The following COMMD10 variants were observed in gnomAD, a reference collection of about 807,000 sequenced individuals.
COMMD10 encodes the protein COMM domain containing 10.
A neutral mutation model predicts 28.9 loss-of-function variants in COMMD10; 33 were observed. That is an observed-to-expected ratio of 1.14 (90% CI 0.87 to 1.53). COMMD10 has a LOEUF of 1.53. COMMD10 is among the 40% of genes most tolerant of loss of function. The pLI is 0.00. For missense variants in COMMD10, 310 were observed against 233.4 expected (o/e 1.33, Z -2.14); for synonymous variants, 110 against 81.7 (o/e 1.35, Z -1.87).
chr5:116,231,353 T>C (rs371635118), intron 5 of COMMD10, among the ~76,000 whole-genome samples: 2 of 152,162 alleles, frequency 1.3e-5, no homozygotes, highest in African/African-American at 4.8e-5. Context: ...TTTATAAAAG[T>C]ATGCAATACT....
intron 5 of COMMD10, among the ~76,000 whole-genome samples, chr5:116,159,406 G>C (rs1025945239): frequency 2.0e-5 from 3 of 152,148 alleles, no homozygotes; most frequent in Non-Finnish European, 2.9e-5. Context: ...TTTCCCTTCT[G>C]TTAGGTCTCT....
intron 5 of COMMD10, among the ~76,000 whole-genome samples, chr5:116,191,349 A>C (rs1360848310): frequency 6.6e-6 from 1 of 152,084 alleles, no homozygotes; most frequent in Non-Finnish European, 1.5e-5. Context: ...AGGTGGGGGA[A>C]GAATGAAGCC....
chr5:116,121,013 A>G (rs1306863429), intron 4 of COMMD10, among the ~76,000 whole-genome samples: 1 of 152,054 alleles, frequency 6.6e-6, no homozygotes, highest in South Asian at 2.1e-4. Flanking sequence ...TTTAAGTTCT[A>G]GGATACATAT....
chr5:116,216,556 G>A (rs955003336), intron 5 of COMMD10, among the ~76,000 whole-genome samples: 6 of 152,130 alleles, frequency 3.9e-5, no homozygotes, highest in African/African-American at 9.7e-5. Context: ...TGTTTGAGAC[G>A]GAGTCTTGCT....
At chr5:116,153,910 G>A (rs894822439) in intron 5 of COMMD10, among the ~76,000 whole-genome samples, 3 of 152,010 alleles carry the variant, frequency 2.0e-5, no homozygotes, top group Non-Finnish European at 4.4e-5. Context: ...TTTTCCTGGT[G>A]GGGCTTTACG....
chr5:116,289,959 A>T (rs957029318), intron 5 of COMMD10, among the ~76,000 whole-genome samples: 2 of 151,852 alleles, frequency 1.3e-5, no homozygotes, highest in Admixed American at 1.3e-4. Context: ...TCGAAGTTAC[A>T]TTTCTTCTCT....
chr5:116,113,947 C>T (rs911340554), intron 4 of COMMD10, among the ~76,000 whole-genome samples: 10 of 150,902 alleles, frequency 6.6e-5, no homozygotes, highest in Admixed American at 4.0e-4. Context: ...GTAGACTTTG[C>T]TCCTTTATAT....
chr5:116,156,031 A>G (rs1159707569), intron 5 of COMMD10, among the ~76,000 whole-genome samples: 1 of 152,110 alleles, frequency 6.6e-6, no homozygotes, highest in Non-Finnish European at 1.5e-5. Context: ...CTTCATGTTA[A>G]TAATAATGTA....
chr5:116,114,852 A>G (rs774725208), intron 4 of COMMD10, among the ~76,000 whole-genome samples: 3 of 152,024 alleles, frequency 2.0e-5, no homozygotes, highest in Non-Finnish European at 2.9e-5. Context: ...CACCTATCTC[A>G]TAACTCAGCC....
chr5:116,228,206 T>A (rs908822359), intron 5 of COMMD10, among the ~76,000 whole-genome samples: 1 of 151,960 alleles, frequency 6.6e-6, no homozygotes, highest in South Asian at 2.1e-4. Context: ...ATAACAGTTA[T>A]TGTAGTGATT....
intron 5 of COMMD10, among the ~76,000 whole-genome samples, chr5:116,159,409 A>T (rs777087074): frequency 5.3e-5 from 8 of 152,186 alleles, no homozygotes; most frequent in Non-Finnish European, 7.3e-5. Flanking sequence ...CCCTTCTGTT[A>T]GGTCTCTACT....
intron 5 of COMMD10, among the ~76,000 whole-genome samples, chr5:116,243,985 C>G (rs1032765004): frequency 6.6e-6 from 1 of 152,096 alleles, no homozygotes; most frequent in African/African-American, 2.4e-5. Context: ...GGGAGGAAAA[C>G]AATGTTAAAT....
chr5:116,123,791 G>T (rs988277422), intron 4 of COMMD10, among the ~76,000 whole-genome samples: 1 of 152,132 alleles, frequency 6.6e-6, no homozygotes, highest in African/African-American at 2.4e-5. Flanking sequence ...TTCTGGTGTA[G>T]TCTTGGGAGG....
chr5:116,203,252 A>G (rs1450565883), intron 5 of COMMD10, among the ~76,000 whole-genome samples: 1 of 152,222 alleles, frequency 6.6e-6, no homozygotes, highest in Non-Finnish European at 1.5e-5. Context: ...AAAAGACCAA[A>G]TCTACGTCTG....
intron 5 of COMMD10, among the ~76,000 whole-genome samples, chr5:116,174,174 C>T (rs1321684381): frequency 6.6e-6 from 1 of 151,834 alleles, no homozygotes; most frequent in Non-Finnish European, 1.5e-5. Context: ...TAACTGGATA[C>T]CTGAAAAAGA....
chr5:116,125,078 G>C (rs542481333), intron 4 of COMMD10, among the ~76,000 whole-genome samples: 18 of 152,124 alleles, frequency 1.2e-4, no homozygotes, highest in Non-Finnish European at 2.6e-4. Context: ...TGTTATGTGT[G>C]AATTTGATCC....
chr5:116,210,063 CAG>C (rs1580550861), intron 5 of COMMD10, among the ~76,000 whole-genome samples: 1 of 152,140 alleles, frequency 6.6e-6, no homozygotes, highest in South Asian at 2.1e-4. Context: ...GCTTAGAAGA[CAG>C]AGAAAAAATC....
At chr5:116,288,213 A>G (rs930655736) in intron 5 of COMMD10, among the ~76,000 whole-genome samples, 31 of 151,622 alleles carry the variant, frequency 2.0e-4, no homozygotes, top group African/African-American at 7.5e-4. Context: ...AGTATTCCTG[A>G]TTAATAGTTT....
chr5:116,237,792 G>A (rs1363726951), intron 5 of COMMD10, among the ~76,000 whole-genome samples: 2 of 152,094 alleles, frequency 1.3e-5, no homozygotes, highest in Non-Finnish European at 2.9e-5. Context: ...TGTATTTCTT[G>A]CAAGTTAGCA....
Sources: allele counts gnomAD v4.1 joint callset (sites outside exome capture counted in the v4.1 genomes callset), GRCh38; gene constraint gnomAD v4.1.1; transcripts MANE v1.5; gene names NCBI Gene and HGNC (gene_info 2026-07-23, HGNC 2026-07-21).